The following MGAT4C variants were observed in gnomAD, a reference collection of about 807,000 sequenced individuals.
The protein encoded by MGAT4C is MGAT4 family member C, also known as alpha-1,3-mannosyl-glycoprotein 4-beta-N-acetylglucosaminyltransferase C.
MGAT4C carries 19 observed loss-of-function variants against 40.1 expected under a neutral mutation model. The observed-to-expected ratio is 0.47, with a 90% confidence interval of 0.33 to 0.70. MGAT4C has a LOEUF of 0.70. MGAT4C is among the 30% of genes least tolerant of loss of function. MGAT4C has a pLI of 0.02. For missense variants in MGAT4C, 491 were observed against 563.2 expected (o/e 0.87, Z 1.30); for synonymous variants, 181 against 187.1 (o/e 0.97, Z 0.27).
chr12:86,140,421 C>G (rs1882663440), intron 1 of MGAT4C, among the ~76,000 whole-genome samples: 2 of 152,128 alleles, frequency 1.3e-5, no homozygotes. Flanking sequence ...ACCGCATGTT[C>G]TCACCACATT....
intron 4 of MGAT4C, among the ~76,000 whole-genome samples, chr12:86,283,664 AT>A (rs1953276937): frequency 6.6e-6 from 1 of 152,038 alleles, no homozygotes; most frequent in Non-Finnish European, 1.5e-5. Flanking sequence ...CTGTTTGTTG[AT>A]TGTTTTTAGA....
At chr12:86,170,204 G>A (rs981326163) in intron 1 of MGAT4C, among the ~76,000 whole-genome samples, 1 of 152,168 alleles carries the variant, frequency 6.6e-6, no homozygotes, top group African/African-American at 2.4e-5. Flanking sequence ...CTGAGACTGG[G>A]ACAGTCTTGA....
chr12:86,681,375 T>C (rs942662531), intron 2 of MGAT4C, among the ~76,000 whole-genome samples: 1 of 152,016 alleles, frequency 6.6e-6, no homozygotes, highest in Non-Finnish European at 1.5e-5. Flanking sequence ...CATGGTGGAC[T>C]ATGAGATTTT....
At chr12:86,746,834 G>T (rs1951161544) in intron 1 of MGAT4C, among the ~76,000 whole-genome samples, 1 of 151,494 alleles carries the variant, frequency 6.6e-6, no homozygotes, top group African/African-American at 2.4e-5. Flanking sequence ...AGTTGCCGTA[G>T]AGACACCTTA....
intron 1 of MGAT4C, among the ~76,000 whole-genome samples, chr12:86,154,012 CA>C (rs1292436521): frequency 3.3e-5 from 5 of 152,092 alleles, no homozygotes; most frequent in Admixed American, 1.3e-4. Context: ...CATTATCAAT[CA>C]AAAGACGCTG....
At chr12:86,802,355 CT>C (rs369705181) in intron 1 of MGAT4C, among the ~76,000 whole-genome samples, 33 of 151,850 alleles carry the variant, frequency 2.2e-4, no homozygotes, top group African/African-American at 7.0e-4. Context: ...ACTAAATATT[CT>C]GTTCCTTTTG....
At position 86,565,955 on chromosome 12, in the gene MGAT4C, C is replaced by T. The variant is rs186458186; in HGVS notation, c.-228-130690G>A. ...CCAAGGCTGACCTGGCTACAGCTAC[C>T]GCTGAGTGCCCAATTTGCCAGCAGC... On this transcript the variant is annotated intron_variant, in intron 2 of 7. Coordinates refer to the MGAT4C transcript ENST00000548651. 3.8e-3 allele frequency among the ~76,000 whole-genome samples: 571 copies of T among 152,228 alleles called. 2 individuals carry two copies. Among genetic ancestry groups the T allele is most frequent in the African/African-American group, 0.012 (496 of 41,542 alleles).
intron 2 of MGAT4C, among the ~76,000 whole-genome samples, chr12:86,581,153 G>A (rs1854598677): frequency 1.3e-5 from 2 of 151,400 alleles, no homozygotes; most frequent in Admixed American, 1.3e-4. Flanking sequence ...ATAAGCATAG[G>A]AAAGGGCATA....
intron 1 of MGAT4C, among the ~76,000 whole-genome samples, chr12:86,053,436 G>A (rs7955173): frequency 0.56 from 84,851 of 151,478 alleles, 24,533 homozygotes; most frequent in East Asian, 0.92. Flanking sequence ...TTCAAACACA[G>A]AAGAGCAAAC....
chr12:86,101,573 A>C (rs1280533290), intron 1 of MGAT4C, among the ~76,000 whole-genome samples: 1 of 151,842 alleles, frequency 6.6e-6, no homozygotes, highest in South Asian at 2.1e-4. Context: ...TGCTAATTAC[A>C]CACAGCCCTC....
intron 2 of MGAT4C, among the ~76,000 whole-genome samples, chr12:86,012,707 G>A (rs527276757): frequency 4.6e-5 from 7 of 151,498 alleles, no homozygotes; most frequent in Non-Finnish European, 7.4e-5. Flanking sequence ...AGCTGAGATC[G>A]CACCATTGCA....
rs552303443 is a variant in MGAT4C at position 86,253,280 on chromosome 12, C to T, written c.-57+2959G>A. Among the ~76,000 whole-genome samples the T allele has an allele frequency of 4.6e-5, 7 of 151,618 alleles. No individual in the cohort carries two copies. In the East Asian group the frequency reaches 9.7e-4, roughly 21 times the overall value. Reference sequence around the variant, plus strand: ...CAAGTACCTAGAAGAGTGCCTGGCACGAAGTAGATACTCAAGAGAAGTGAC... The same window carrying T: ...CAAGTACCTAGAAGAGTGCCTGGCATGAAGTAGATACTCAAGAGAAGTGAC... On this transcript the variant is annotated intron_variant, in intron 1 of 4. Transcript: ENST00000611864.
intron 1 of MGAT4C, among the ~76,000 whole-genome samples, chr12:86,174,789 TAAAG>T (rs147098610): frequency 0.067 from 10,270 of 152,190 alleles, 492 homozygotes; most frequent in Middle Eastern, 0.21. Context: ...AAACAAAAGA[TAAAG>T]AAGAAAATGC....
At chr12:86,785,319 C>A (rs1273455661) in intron 1 of MGAT4C, among the ~76,000 whole-genome samples, 1 of 151,872 alleles carries the variant, frequency 6.6e-6, no homozygotes, top group Non-Finnish European at 1.5e-5. Flanking sequence ...TTTTTCTTAA[C>A]TTCTAAATTG....
rs200651947 is a variant in MGAT4C at position 85,983,615 on chromosome 12, C to T, written c.203G>A (p.Arg68His). The T allele has an allele frequency of 6.3e-6, 10 of 1,594,832 alleles. No homozygotes were observed. Among genetic ancestry groups the T allele is most frequent in the African/African-American group, 5.4e-5 (4 of 73,868 alleles). ...ETSTHQLNSE[R>H]YVHTFKDLSN... ...TAAATCCTTGAAAGTATGAACATAG[C>T]GTTCTGAATTCAGTTGATGTGTGGA... Residue 68 changes from arginine to histidine, a missense_variant, in exon 4 of 5, where the codon CGC (arginine) becomes CAC (histidine). By Grantham distance (29) the Arg-to-His change is conservative. Coordinates refer to ENST00000611864, the MANE Select transcript of MGAT4C (RefSeq NM_001351288.2).
intron 2 of MGAT4C, among the ~76,000 whole-genome samples, chr12:86,702,342 G>T (rs1290050853): frequency 1.3e-5 from 2 of 151,888 alleles, no homozygotes; most frequent in Non-Finnish European, 2.9e-5. Context: ...ATCAGGCCTG[G>T]GCCAGATTTT....
chr12:86,656,860 G>A (rs2136542636), intron 2 of MGAT4C, among the ~76,000 whole-genome samples: 1 of 152,154 alleles, frequency 6.6e-6, no homozygotes, highest in East Asian at 1.9e-4. Flanking sequence ...TAGAGCTTCA[G>A]TAGAGGTTTA....
At chr12:86,775,209 T>C (rs1010269241) in intron 1 of MGAT4C, among the ~76,000 whole-genome samples, 11 of 152,134 alleles carry the variant, frequency 7.2e-5, no homozygotes, top group African/African-American at 2.7e-4. Flanking sequence ...CACTTCTCTG[T>C]GTCTTTAACT....
chr12:86,501,233 G>T (rs1212485659), intron 2 of MGAT4C, among the ~76,000 whole-genome samples: 1 of 151,982 alleles, frequency 6.6e-6, no homozygotes, highest in Non-Finnish European at 1.5e-5. Context: ...GAGAAGAAGA[G>T]AAATGTTTCT....
Sources: gnomAD v4.1 joint callset for allele counts (sites outside exome capture counted in the v4.1 genomes callset) on GRCh38, gnomAD v4.1.1 for gene constraint, MANE v1.5 for transcripts, NCBI Gene and HGNC (gene_info 2026-07-23, HGNC 2026-07-21) for gene names.